Variants in RGS6 observed in about 807,000 individuals in gnomAD.
RGS6 encodes regulator of G-protein signaling 6.
Under a neutral mutation model 78.5 loss-of-function variants are expected in RGS6, and 30 were observed. The ratio of observed to expected loss-of-function variants is 0.38; its 90% confidence interval spans 0.29 to 0.52. RGS6 has a LOEUF of 0.52. Among genes scored for constraint, RGS6 ranks in the 20% least tolerant of loss-of-function variants. The pLI is 0.85. For synonymous variants in RGS6, 206 were observed against 206.0 expected, an observed-to-expected ratio of 1.00 and a Z score of 0.00; for missense variants, 495 against 609.7, an observed-to-expected ratio of 0.81 and a Z score of 1.98.
At chr14:72,454,778 G>C (rs2095587311) in intron 4 of RGS6, among the ~76,000 whole-genome samples, 200 bp downstream of exon 4, 2 of 152,154 alleles carry the variant, frequency 1.3e-5, no homozygotes, top group African/African-American at 4.8e-5. Flanking sequence ...ATCATGCTTT[G>C]AGGAAATGAG....
At chr14:71,939,737 C>A (rs2090189792) in intron 1 of RGS6, among the ~76,000 whole-genome samples, 1 of 152,224 alleles carries the variant, frequency 6.6e-6, no homozygotes, top group Non-Finnish European at 1.5e-5. Context: ...TATCATTCTC[C>A]AAGATGCATC....
the RGS6 span, among the ~76,000 whole-genome samples, chr14:71,897,815 G>A: frequency 1.5e-4 from 23 of 152,154 alleles, no homozygotes; most frequent in East Asian, 3.7e-3. Context: ...CACCGCGCCC[G>A]GCCCCATGGA....
intron 2 of RGS6, among the ~76,000 whole-genome samples, chr14:72,225,733 C>G (rs142531896): frequency 6.6e-6 from 1 of 152,266 alleles, no homozygotes; most frequent in East Asian, 1.9e-4. Context: ...AGCAAAAATT[C>G]TATGCTTTTT....
chr14:72,171,466 G>C (rs932134238), intron 2 of RGS6, among the ~76,000 whole-genome samples: 2 of 152,210 alleles, frequency 1.3e-5, no homozygotes, highest in African/African-American at 4.8e-5. Flanking sequence ...TTCCCAACTT[G>C]AGGGTGCCCT....
chr14:72,297,221 TG>T (rs1256715504), intron 2 of RGS6, among the ~76,000 whole-genome samples: 1 of 152,120 alleles, frequency 6.6e-6, no homozygotes, highest in Non-Finnish European at 1.5e-5. Context: ...CCTTCAACTT[TG>T]TTCTTCTATT....
intron 2 of RGS6, among the ~76,000 whole-genome samples, chr14:72,089,912 A>C (rs768828156): frequency 6.6e-6 from 1 of 152,164 alleles, no homozygotes; most frequent in Non-Finnish European, 1.5e-5. Context: ...CCAGGGTGCC[A>C]ACTCCCAAGT....
At chr14:72,312,076 G>T (rs549421626) in intron 2 of RGS6, among the ~76,000 whole-genome samples, 1 of 152,256 alleles carries the variant, frequency 6.6e-6, no homozygotes, top group Admixed American at 6.5e-5. Flanking sequence ...TCAGCTCTTG[G>T]GGGCAGCCTG....
chr14:72,481,805 CTTT>C (rs34462310), intron 12 of RGS6, among the ~76,000 whole-genome samples: 34 of 120,044 alleles, frequency 2.8e-4, no homozygotes, highest in Admixed American at 6.2e-4. Flanking sequence ...TTTATTTTAA[CTTT>C]TTTTTTTTTT....
At chr14:71,899,327 T>C in the RGS6 span, among the ~76,000 whole-genome samples, 1 of 152,224 alleles carries the variant, frequency 6.6e-6, no homozygotes, top group Non-Finnish European at 1.5e-5. Flanking sequence ...TTCCCTGTAT[T>C]ATTAGCAGGG....
chr14:71,910,900 G>A, the RGS6 span, among the ~76,000 whole-genome samples: 2 of 152,170 alleles, frequency 1.3e-5, no homozygotes, highest in African/African-American at 2.4e-5. Flanking sequence ...CAGTGACAGG[G>A]TGTGGATCAA....
the RGS6 span, chr14:72,620,032 G>A: frequency 1.1e-5 from 16 of 1,482,470 alleles, no homozygotes; most frequent in South Asian, 1.3e-4. Context: ...TCCATTATTC[G>A]GGGCCAATGT....
At chr14:72,391,610 C>T (rs1379058787) in intron 3 of RGS6, among the ~76,000 whole-genome samples, 1 of 152,114 alleles carries the variant, frequency 6.6e-6, no homozygotes, top group Non-Finnish European at 1.5e-5. Context: ...TATGTATATA[C>T]ACACACACTT....
chr14:72,527,113 C>T (rs977361185), intron 15 of RGS6, among the ~76,000 whole-genome samples: 1 of 152,192 alleles, frequency 6.6e-6, no homozygotes, highest in Non-Finnish European at 1.5e-5. Flanking sequence ...GCATGGACTG[C>T]CTGTTAAGTG....
intron 3 of RGS6, among the ~76,000 whole-genome samples, chr14:72,410,584 T>G (rs962239959): frequency 2.0e-5 from 3 of 152,234 alleles, no homozygotes; most frequent in Non-Finnish European, 4.4e-5. Context: ...TAGATCCCAT[T>G]TGTCAATTTT....
intron 2 of RGS6, among the ~76,000 whole-genome samples, chr14:72,209,396 T>G (rs1205973393): frequency 6.6e-6 from 1 of 151,812 alleles, no homozygotes; most frequent in East Asian, 1.9e-4. Flanking sequence ...GTCTATAAAT[T>G]TTTCTTTCTA....
At chr14:72,360,655 T>G (rs1345661068) in intron 3 of RGS6, among the ~76,000 whole-genome samples, 1 of 152,072 alleles carries the variant, frequency 6.6e-6, no homozygotes, top group African/African-American at 2.4e-5. Flanking sequence ...ATGTTCCTAG[T>G]AATCTGGAAA....
rs578001496 is a variant in RGS6 at position 72,036,910 on chromosome 14, A to G, written c.84+72035A>G. Among the ~76,000 whole-genome samples, 421 of 152,224 alleles carry G rather than the reference A, an allele frequency of 2.8e-3. 2 individuals are homozygous for G. The highest frequency in any genetic ancestry group is 0.01 in the Middle Eastern group (3 of 294). On this transcript the variant is annotated intron_variant, in intron 2 of 17. Transcript: ENST00000553525. Reference sequence around the variant, plus strand: ...TTATAATTTTATATTTTACATTTAAATGTGTAACTTAGTTTGAGTTAATTT... The same window carrying G: ...TTATAATTTTATATTTTACATTTAAGTGTGTAACTTAGTTTGAGTTAATTT...
intron 3 of RGS6, among the ~76,000 whole-genome samples, chr14:72,378,300 C>G (rs949154712): frequency 2.6e-5 from 4 of 151,608 alleles, no homozygotes; most frequent in African/African-American, 9.7e-5. Flanking sequence ...CTCCAGAAAC[C>G]AGAAAACTGA....
intron 2 of RGS6, among the ~76,000 whole-genome samples, chr14:72,099,041 C>T (rs1338743848): frequency 1.3e-5 from 2 of 152,220 alleles, no homozygotes; most frequent in African/African-American, 4.8e-5. Context: ...CAACAAGGAT[C>T]GAACAGTCTG....
Sources: gnomAD v4.1 joint callset for allele counts (sites outside exome capture counted in the v4.1 genomes callset) on GRCh38, gnomAD v4.1.1 for gene constraint, MANE v1.5 for transcripts, NCBI Gene and HGNC (gene_info 2026-07-23, HGNC 2026-07-21) for gene names.